The following PPP2R3A variants were observed in gnomAD, a reference collection of about 807,000 sequenced individuals.
PPP2R3A encodes the protein serine/threonine-protein phosphatase 2A regulatory subunit B'' subunit alpha.
In PPP2R3A, 80 loss-of-function variants were observed where a neutral mutation model predicts 106.9. That is an observed-to-expected ratio of 0.75 (90% CI 0.62 to 0.90). The LOEUF (loss-of-function observed/expected upper bound fraction) is 0.90, where lower values mean the gene tolerates loss of function less well. Among genes scored for constraint, PPP2R3A ranks in the 40% least tolerant of loss-of-function variants. The probability of loss-of-function intolerance (pLI) is 0.00; values close to 1 mark genes in which losing one functional copy is unlikely to be tolerated. For missense variants in PPP2R3A, 1,386 were observed against 1,350.4 expected, an observed-to-expected ratio of 1.03 and a Z score of -0.41; for synonymous variants, 483 against 468.3, an observed-to-expected ratio of 1.03 and a Z score of -0.41.
intron 7 of PPP2R3A, among the ~76,000 whole-genome samples, chr3:136,081,671 T>A (rs1025590659): frequency 5.9e-5 from 9 of 152,194 alleles, no homozygotes; most frequent in African/African-American, 2.2e-4. Context: ...GAATTGTGGG[T>A]TCAGTATCAT....
At chr3:136,057,126 T>C (rs1935895482) in intron 5 of PPP2R3A, among the ~76,000 whole-genome samples, 1 of 151,880 alleles carries the variant, frequency 6.6e-6, no homozygotes, top group African/African-American at 2.4e-5. Flanking sequence ...CTATGGAGAA[T>C]AGCTGGAGGC....
intron 2 of PPP2R3A, among the ~76,000 whole-genome samples, chr3:136,014,538 C>T (rs1486830536): frequency 6.6e-6 from 1 of 152,056 alleles, no homozygotes; most frequent in East Asian, 1.9e-4. Context: ...TCTTTCACCT[C>T]CTCGGTTAGG....
chr3:135,985,519 C>G (rs1477649609), intron 1 of PPP2R3A, among the ~76,000 whole-genome samples: 1 of 152,124 alleles, frequency 6.6e-6, no homozygotes, highest in Non-Finnish European at 1.5e-5. Flanking sequence ...CTCCTCCTTG[C>G]TGTTTATCTG....
chr3:136,023,670 T>C (rs374521210), intron 2 of PPP2R3A, among the ~76,000 whole-genome samples: 1 of 152,158 alleles, frequency 6.6e-6, no homozygotes, highest in African/African-American at 2.4e-5. Flanking sequence ...CCTGGTAATC[T>C]TTTTTTAAAG....
intron 5 of PPP2R3A, among the ~76,000 whole-genome samples, chr3:136,064,330 C>A (rs536662812): frequency 6.6e-6 from 1 of 151,396 alleles, no homozygotes; most frequent in Non-Finnish European, 1.5e-5. Context: ...TGACGAGTTA[C>A]TGGGTGCAGC....
chr3:136,144,521 TG>T (rs1449561230), intron 13 of PPP2R3A, among the ~76,000 whole-genome samples: 1 of 151,864 alleles, frequency 6.6e-6, no homozygotes, highest in Non-Finnish European at 1.5e-5. Flanking sequence ...CTTAGCCAGG[TG>T]TGGTGGCGCA....
chr3:136,018,799 A>G (rs994821429), intron 2 of PPP2R3A, among the ~76,000 whole-genome samples: 1 of 152,218 alleles, frequency 6.6e-6, no homozygotes, highest in African/African-American at 2.4e-5. Flanking sequence ...CTTCTCTTCC[A>G]TATAACTCTG....
intron 2 of PPP2R3A, among the ~76,000 whole-genome samples, chr3:136,024,455 T>C (rs935147725): frequency 6.6e-6 from 1 of 152,224 alleles, no homozygotes; most frequent in African/African-American, 2.4e-5. Context: ...AGTGGATTAA[T>C]AGTTGCCTAT....
At chr3:136,032,786 G>A (rs778502686) in intron 3 of PPP2R3A, among the ~76,000 whole-genome samples, 25 of 152,120 alleles carry the variant, frequency 1.6e-4, no homozygotes, top group Middle Eastern at 3.4e-3. Context: ...TGCCCGCCTC[G>A]GCCTTCCAAA....
intron 13 of PPP2R3A, among the ~76,000 whole-genome samples, chr3:136,115,207 A>C (rs2107990100): frequency 6.6e-6 from 1 of 152,304 alleles, no homozygotes; most frequent in South Asian, 2.1e-4. Context: ...ACAAACAGAA[A>C]AGAATAGCAT....
At position 136,001,863 on chromosome 3, in the gene PPP2R3A, G is replaced by T; in HGVS notation, c.365G>T (p.Gly122Val). 1 of 1,613,924 alleles carries T rather than the reference G, an allele frequency of 6.2e-7. No individual in the cohort carries two copies. Among genetic ancestry groups the T allele is most frequent in the South Asian group, 1.1e-5 (1 of 91,046 alleles). ...GGAGAAGCAATCAGTTTTGCCAGTG[G>T]GAAAATAAAAGAATTTTCCTTTGAA... The part of the protein sequence containing the change: ...IAGEAISFAS[G>V]KIKEFSFEKL... The change falls in exon 2 of 14, where the codon GGG (glycine) becomes GTG (valine). Residue 122 changes from glycine to valine, a missense_variant. Coordinates refer to ENST00000264977, the MANE Select transcript of PPP2R3A (RefSeq NM_002718.5).
intron 13 of PPP2R3A, among the ~76,000 whole-genome samples, chr3:136,128,682 C>T (rs967171152): frequency 2.6e-5 from 4 of 152,200 alleles, no homozygotes; most frequent in Non-Finnish European, 5.9e-5. Flanking sequence ...TAGACATCTA[C>T]AGAACTCTCC....
chr3:136,139,914 G>C lies in PPP2R3A; in HGVS notation c.3330-5129G>C, dbSNP rs574537584. Among the ~76,000 whole-genome samples, 450 of 151,036 alleles carry C rather than the reference G, an allele frequency of 3.0e-3. 6 individuals carry two copies. The highest frequency in any genetic ancestry group is 0.011 in the African/African-American group (435 of 41,076). Reference sequence around the variant, plus strand: ...CCAGCTACTCAGGAGGCTGAGGCAGGAGAATCGCTTGAACCCAGGAGGTGG... The same window carrying C: ...CCAGCTACTCAGGAGGCTGAGGCAGCAGAATCGCTTGAACCCAGGAGGTGG... On this transcript the variant is annotated intron_variant, in intron 13 of 13. Transcript: ENST00000264977.
chr3:136,098,278 T>C (rs1937265450), intron 10 of PPP2R3A, among the ~76,000 whole-genome samples: 1 of 152,224 alleles, frequency 6.6e-6, no homozygotes, highest in African/African-American at 2.4e-5. Context: ...ATTGCAGTAC[T>C]GCACTCCAGC....
intron 5 of PPP2R3A, chr3:136,055,812 G>A (rs1935841536): frequency 7.4e-6 from 4 of 541,474 alleles, no homozygotes; most frequent in East Asian, 2.9e-5. Flanking sequence ...AATGATTGGG[G>A]AGAAGAAACA....
Position 136,082,299 on chromosome 3 carries a change from A to C in PPP2R3A, c.2666A>C (p.Asn889Thr). ...LALLEEEEDINQITDYFSYEH... is the reference protein window; with the variant it reads ...LALLEEEEDITQITDYFSYEH... ...CTTTTGGAAGAAGAGGAAGATATAA[A>C]CCAAATTACAGATTACTTCTCCTAT... The change falls in exon 8 of 14, where the codon AAC becomes ACC. Residue 889 changes from asparagine (N) to threonine (T), a missense_variant. Physicochemically the swap from Asn to Thr is moderately conservative, Grantham distance 65. Coordinates refer to ENST00000264977, the MANE Select transcript of PPP2R3A (RefSeq NM_002718.5). The C allele has an allele frequency of 1.3e-6, 2 of 1,597,564 alleles. No individual in the cohort carries two copies. The highest frequency in any genetic ancestry group is 1.7e-6 in the Non-Finnish European group (2 of 1,165,026).
At position 136,002,110 on chromosome 3, in the gene PPP2R3A, C is replaced by G; in HGVS notation, c.612C>G (p.Asn204Lys). 1 of 1,614,044 alleles carries G rather than the reference C, an allele frequency of 6.2e-7. No individual in the cohort carries two copies. The highest frequency in any genetic ancestry group is 1.3e-5 in the African/African-American group (1 of 75,022). The change falls in exon 2 of 14, where the codon AAC becomes AAG. Residue 204 changes from asparagine to lysine, a missense_variant. Transcript: ENST00000264977. ...DTNLTSMFLQ[N>K]FSEEDLVTQI... ...ACCTGACTTCCATGTTTCTTCAAAA[C>G]TTTTCTGAAGAAGACTTGGTTACTC...
At chr3:136,070,211 C>T (rs1426378052) in intron 5 of PPP2R3A, among the ~76,000 whole-genome samples, 2 of 152,188 alleles carry the variant, frequency 1.3e-5, no homozygotes, top group African/African-American at 4.8e-5. Flanking sequence ...AATTACAGTA[C>T]ATACCTCGGA....
At chr3:135,992,925 G>T (rs148803580) in intron 1 of PPP2R3A, among the ~76,000 whole-genome samples, 2 of 152,138 alleles carry the variant, frequency 1.3e-5, no homozygotes, top group Non-Finnish European at 2.9e-5. Context: ...ATTTTCAAAG[G>T]GCAGGTGGAG....
Sources: gnomAD v4.1 joint callset for allele counts (sites outside exome capture counted in the v4.1 genomes callset) on GRCh38, gnomAD v4.1.1 for gene constraint, MANE v1.5 for transcripts, NCBI Gene and HGNC (gene_info 2026-07-23, HGNC 2026-07-21) for gene names.